SLC35E2B: variants seen among roughly 807,000 people sequenced by gnomAD.
SLC35E2B encodes solute carrier family 35, member E2B.
Under a neutral mutation model 32.4 loss-of-function variants are expected in SLC35E2B, and 18 were observed. The ratio of observed to expected loss-of-function variants is 0.56; its 90% confidence interval spans 0.38 to 0.82. The LOEUF (loss-of-function observed/expected upper bound fraction) is 0.82. Ranked by LOEUF, SLC35E2B falls within the 40% of genes least tolerant of loss-of-function variation. The pLI, the probability that SLC35E2B is intolerant of heterozygous loss-of-function variation, is 0.00. For missense variants in SLC35E2B, 263 were observed against 469.5 expected (o/e 0.56, Z 4.06); for synonymous variants, 132 against 209.1 (o/e 0.63, Z 3.18).
rs1466556601 is a variant in SLC35E2B at position 1,663,499 on chromosome 1, C to A, written c.*2283G>T. 6 of 880,804 alleles carry A rather than the reference C, an allele frequency of 6.8e-6. No homozygotes were observed. The African/African-American group carries it at 1.1e-4, about 16-fold the overall frequency. The allele number at this position is 880,804 out of a possible 1,614,324, so 54.6% of individuals were successfully genotyped here. On this transcript the variant is annotated 3_prime_UTR_variant, in exon 10 of 10. Transcript: ENST00000617444. The stretch of plus-strand genomic sequence containing the variant: ...ATAGTGTTTGTTTTTGAGACGGAAT[C>A]TTGCCCTGTTGCCCAGGCTGGAGTG...
At chr1:1,686,857 T>A (rs1189008939) in intron 2 of SLC35E2B, among the ~76,000 whole-genome samples, 1 of 151,712 alleles carries the variant, frequency 6.6e-6, no homozygotes, top group African/African-American at 2.4e-5. Context: ...GAGATCGAGA[T>A]CATCCTGGCT....
rs1237039985 is a variant in SLC35E2B at position 1,686,644 on chromosome 1, T to C, written c.-148+4332A>G. Among the ~76,000 whole-genome samples, 3 of 151,870 alleles carry C rather than the reference T, an allele frequency of 2.0e-5. No homozygotes were observed. In the South Asian group the frequency reaches 6.2e-4, roughly 32 times the overall value. ...AGCTGGGTGCAGTGGCATGCGCCTG[T>C]AATCCCAGCTACTCGGGAGGCTGAG... is the stretch of plus-strand genomic sequence containing the variant. On this transcript the variant is annotated intron_variant, in intron 2 of 9. Transcript: ENST00000617444.
At chr1:1,680,821 T>A (rs866294349) in intron 2 of SLC35E2B, among the ~76,000 whole-genome samples, 2 of 150,122 alleles carry the variant, frequency 1.3e-5, no homozygotes, top group African/African-American at 2.5e-5. Flanking sequence ...TTTTTTTTTT[T>A]AGATGGAATC....
At chr1:1,669,840 T>C (rs767371163) in intron 7 of SLC35E2B, 104 bp from the exon 8 acceptor site, 89 of 1,219,782 alleles carry the variant, frequency 7.3e-5, no homozygotes, top group Non-Finnish European at 5.1e-5. Context: ...CCAGAAGACG[T>C]TCATTCTCTC....
chr1:1,680,717 C>T (rs1052110648), intron 2 of SLC35E2B, among the ~76,000 whole-genome samples: 2 of 152,166 alleles, frequency 1.3e-5, no homozygotes, highest in Non-Finnish European at 2.9e-5. Flanking sequence ...GTCCCCACAG[C>T]TCCAAGGCCG....
At chr1:1,674,228 C>G (rs570689990) in intron 5 of SLC35E2B, 3 of 158,620 alleles carry the variant, frequency 1.9e-5, no homozygotes, top group African/African-American at 7.2e-5. Context: ...TCGGTCTTCC[C>G]AGGTGAAATT....
At position 1,663,712 on chromosome 1, in the gene SLC35E2B, G is replaced by A. The variant is rs1476597376; in HGVS notation, c.*2070C>T. ...TCTCGAACTCCTGGCCTTGTGATCC[G>A]CCAGCTGCTGCCTCCCAAAGTGCTG... On this transcript the variant is annotated 3_prime_UTR_variant, in exon 10 of 10. Coordinates refer to ENST00000617444, the MANE Select transcript of SLC35E2B (RefSeq NM_001290264.2). The A allele has an allele frequency of 1.1e-4, 51 of 449,174 alleles. 7 individuals are homozygous for A. Among genetic ancestry groups the A allele is most frequent in the Non-Finnish European group, 2.7e-5 (9 of 336,850 alleles). The allele number at this position is 449,174 out of a possible 1,614,324, so 27.8% of individuals were successfully genotyped here.
At chr1:1,669,881 G>C (rs1281014960) in intron 7 of SLC35E2B, 145 bp from the exon 8 acceptor site, 2 of 973,592 alleles carry the variant, frequency 2.1e-6, no homozygotes, top group Non-Finnish European at 3.2e-6. Flanking sequence ...CAGCTTCCCA[G>C]AAATGAAAAC....
rs6673998 is a variant in SLC35E2B, at chr1:1,670,319, A to C, written c.708-168T>G. ...TTATTTTTAGTAGAGATAGGGTTTC[A>C]CCGTGTTGGCCAGGCTGGTCTCCAA... On this transcript the variant is annotated intron_variant, in intron 6 of 9. Transcript: ENST00000617444. The C allele has an allele frequency of 5.2e-6, 3 of 576,880 alleles. No individual in the cohort carries two copies. The Admixed American group carries it at 8.8e-5, about 17-fold the overall frequency. The allele number at this position is 576,880 out of a possible 1,614,324, so 35.7% of individuals were successfully genotyped here. A position where few individuals can be genotyped will look rare whatever the true frequency, so the allele number is the denominator to read the frequency against.
At chr1:1,683,131 A>G (rs1490237368) in intron 2 of SLC35E2B, among the ~76,000 whole-genome samples, 2 of 152,112 alleles carry the variant, frequency 1.3e-5, no homozygotes, top group African/African-American at 4.8e-5. Context: ...TGAGGAATGC[A>G]CAGTTTCTCT....
intron 2 of SLC35E2B, among the ~76,000 whole-genome samples, chr1:1,687,664 G>A (rs182867938): frequency 6.4e-4 from 97 of 151,954 alleles, no homozygotes; most frequent in Admixed American, 2.8e-3. Context: ...GAACCCGGGA[G>A]GCGGAGGTTG....
intron 2 of SLC35E2B, among the ~76,000 whole-genome samples, chr1:1,682,033 A>G (rs1257671715): frequency 3.7e-5 from 4 of 108,334 alleles, no homozygotes; most frequent in Non-Finnish European, 7.7e-5. Context: ...AAAAAAAAAA[A>G]AAAAAAAGAA....
At chr1:1,680,076 G>A (rs868358705) in intron 2 of SLC35E2B, among the ~76,000 whole-genome samples, 9 of 151,576 alleles carry the variant, frequency 5.9e-5, no homozygotes, top group African/African-American at 9.7e-5. Context: ...GCGGTGAGCC[G>A]AGATCACACC....
chr1:1,665,477 G>A lies in SLC35E2B; in HGVS notation c.*305C>T, dbSNP rs183639607. 41 of 550,116 alleles carry A rather than the reference G, an allele frequency of 7.5e-5. No homozygotes were observed. The highest frequency in any genetic ancestry group is 7.2e-4 in the African/African-American group (38 of 52,840). 34.1% of individuals were successfully genotyped at this position (550,116 alleles called of 1,614,324 possible). On this transcript the variant is annotated 3_prime_UTR_variant, in exon 10 of 10. Coordinates refer to ENST00000617444, the MANE Select transcript of SLC35E2B (RefSeq NM_001290264.2). The stretch of plus-strand genomic sequence containing the variant: ...TCTGGCTCCCGGTGGACCCTGGGGT[G>A]TCGCCCAGAGAGGAAGTGGGCACCC...
intron 2 of SLC35E2B, among the ~76,000 whole-genome samples, chr1:1,685,117 A>C (rs1196670280): frequency 1.3e-5 from 2 of 151,794 alleles, no homozygotes; most frequent in Admixed American, 6.6e-5. Flanking sequence ...TCAAAAAAAA[A>C]AAAAAAAGTT....
At chr1:1,685,906 A>C (rs1643944391) in intron 2 of SLC35E2B, among the ~76,000 whole-genome samples, 1 of 152,192 alleles carries the variant, frequency 6.6e-6, no homozygotes, top group Non-Finnish European at 1.5e-5. Flanking sequence ...ATCTCAGCTC[A>C]CTGCAACCTC....
chr1:1,690,280 C>CAA (rs751562734), intron 2 of SLC35E2B, among the ~76,000 whole-genome samples: 2 of 52,018 alleles, frequency 3.8e-5, no homozygotes, highest in African/African-American at 1.4e-4. Context: ...AACTCTGTCT[C>CAA]AAAAAAAAAA....
chr1:1,671,362 T>C (rs777326571), intron 6 of SLC35E2B, 147 bp downstream of exon 6: 5 of 899,184 alleles, frequency 5.6e-6, no homozygotes, highest in Non-Finnish European at 7.6e-6. Flanking sequence ...GGGATACCTG[T>C]TGTTTTGCTC....
intron 9 of SLC35E2B, among the ~76,000 whole-genome samples, chr1:1,666,285 C>T (rs1284469532): frequency 6.6e-6 from 1 of 152,198 alleles, no homozygotes; most frequent in African/African-American, 2.4e-5. Context: ...CTCCCTCGTC[C>T]CTTCTTTTTT....
Sources: gnomAD v4.1 joint callset for allele counts (sites outside exome capture counted in the v4.1 genomes callset) on GRCh38, gnomAD v4.1.1 for gene constraint, MANE v1.5 for transcripts, NCBI Gene and HGNC (gene_info 2026-07-23, HGNC 2026-07-21) for gene names.